RHOT1: variants seen among roughly 807,000 people sequenced by gnomAD.
RHOT1 encodes the protein ras homolog family member T1, also known as mitochondrial Rho GTPase 1.
RHOT1 carries 27 observed loss-of-function variants against 95.3 expected under a neutral mutation model. That is an observed-to-expected ratio of 0.28 (90% CI 0.21 to 0.39). The LOEUF is 0.39. Ranked by LOEUF, RHOT1 falls within the 10% of genes least tolerant of loss-of-function variation. RHOT1 has a pLI of 1.00. For missense variants in RHOT1, 578 were observed against 786.7 expected, an observed-to-expected ratio of 0.73 and a Z score of 3.17; for synonymous variants, 227 against 263.5, an observed-to-expected ratio of 0.86 and a Z score of 1.34.
chr17:32,207,003 T>C lies in RHOT1; in HGVS notation c.1510T>C (p.Phe504Leu). The change falls in exon 17 of 20, where the codon TTT becomes CTT. Residue 504 changes from phenylalanine (F) to leucine (L), a missense_variant. Phe to Leu is a conservative substitution (Grantham distance 22). Coordinates refer to ENST00000545287, the MANE Select transcript of RHOT1 (RefSeq NM_001033566.3). ...LVYDVSNPKSFEYCARIFKQH... is the reference protein window; with the variant it reads ...LVYDVSNPKSLEYCARIFKQH... The stretch of plus-strand genomic sequence containing the variant: ...ATATGATGTCAGCAATCCCAAATCC[T>C]TTGAATACTGTGCCAGGATTTTTAA... 1 of 1,612,236 alleles carries C rather than the reference T, an allele frequency of 6.2e-7. No homozygotes were observed. Among genetic ancestry groups the C allele is most frequent in the Non-Finnish European group, 8.5e-7 (1 of 1,179,274 alleles).
chr17:32,151,665 G>A (rs1484578224), intron 1 of RHOT1, among the ~76,000 whole-genome samples: 2 of 151,994 alleles, frequency 1.3e-5, no homozygotes, highest in African/African-American at 2.4e-5. Flanking sequence ...GGCAGATCAC[G>A]AGGTCAGGAG....
chr17:32,149,471 T>A (rs2142360335), intron 1 of RHOT1, among the ~76,000 whole-genome samples: 1 of 150,286 alleles, frequency 6.7e-6, no homozygotes, highest in Admixed American at 6.6e-5. Context: ...AAATAGTTTT[T>A]AGAATTTAAT....
chr17:32,192,034 G>T (rs2036526508), intron 8 of RHOT1, among the ~76,000 whole-genome samples, 167 bp from the exon 9 acceptor site: 1 of 152,126 alleles, frequency 6.6e-6, no homozygotes, highest in Non-Finnish European at 1.5e-5. Flanking sequence ...AGCAAATATT[G>T]CCTCATTTAC....
chr17:32,184,343 C>T (rs111878367), intron 8 of RHOT1, among the ~76,000 whole-genome samples: 210 of 152,186 alleles, frequency 1.4e-3, no homozygotes, highest in African/African-American at 4.9e-3. Flanking sequence ...CATATGTGAC[C>T]TTTTGTTTCT....
intron 16 of RHOT1, among the ~76,000 whole-genome samples, chr17:32,205,764 T>A (rs1027755086): frequency 6.6e-6 from 1 of 152,180 alleles, no homozygotes; most frequent in African/African-American, 2.4e-5. Context: ...CGGGCTGGTC[T>A]CAAACTCCTG....
intron 13 of RHOT1, among the ~76,000 whole-genome samples, chr17:32,200,165 ATAACT>A (rs2037205678): frequency 6.6e-6 from 1 of 152,060 alleles, no homozygotes; most frequent in Non-Finnish European, 1.5e-5. Context: ...TGGATGTCCT[ATAACT>A]TATTTAACTA....
chr17:32,175,289 T>G (rs1163758577), intron 3 of RHOT1, 30 bp from the exon 4 acceptor site: 1 of 1,602,144 alleles, frequency 6.2e-7, no homozygotes, highest in African/African-American at 1.3e-5. Context: ...GTGTCTGCAA[T>G]ATGAAACATT....
rs546133643 is a variant in RHOT1, at chr17:32,150,060, A to AT, written c.37+7337dup. 1.1e-4 allele frequency among the ~76,000 whole-genome samples: 17 copies of AT among 152,114 alleles called. 1 individual carries two copies. In the East Asian group the frequency reaches 2.5e-3, roughly 23 times the overall value. On this transcript the variant is annotated intron_variant, in intron 1 of 19. Transcript: ENST00000545287. ...GCCACTGCCCCTGGCCAAAATATTA[A>AT]TTTTTTAAAAATAGCTTAAAAGTGG...
chr17:32,179,705 C>T (rs149071639), intron 6 of RHOT1: 23,899 of 136,312 alleles, frequency 0.18, 2,209 homozygotes, highest in South Asian at 0.25. Flanking sequence ...CCCCTCTGCC[C>T]GGCTGCCCCG....
chr17:32,178,718 C>CGGCTGCCCCG (rs2035252896), intron 6 of RHOT1, among the ~76,000 whole-genome samples: 2 of 141,414 alleles, frequency 1.4e-5, no homozygotes, highest in Non-Finnish European at 3.1e-5. Flanking sequence ...CGCCTCTGCC[C>CGGCTGCCCCG]AGCCGCCCTG....
Position 32,207,018 on chromosome 17 carries a change from A to G in RHOT1, c.1525A>G (p.Arg509Gly). Residue 509 changes from arginine (R) to glycine (G), a missense_variant, in exon 17 of 20, where the codon AGG becomes GGG. By Grantham distance (125) the Arg-to-Gly change is moderately radical. Coordinates refer to ENST00000545287, the MANE Select transcript of RHOT1 (RefSeq NM_001033566.3). ...SNPKSFEYCA[R>G]IFKQHFMDSR... ...TCCCAAATCCTTTGAATACTGTGCCAGGATTTTTAAGGTTTGTTGCTCCTA... is the reference window on the plus strand; with the variant it reads ...TCCCAAATCCTTTGAATACTGTGCCGGGATTTTTAAGGTTTGTTGCTCCTA... 2.5e-6 allele frequency: 4 copies of G among 1,609,594 alleles called. No individual in the cohort carries two copies. Among genetic ancestry groups the G allele is most frequent in the Non-Finnish European group, 3.4e-6 (4 of 1,178,580 alleles).
intron 1 of RHOT1, chr17:32,143,262 A>AT (rs1031405043): frequency 2.5e-5 from 9 of 364,632 alleles, no homozygotes; most frequent in African/African-American, 8.5e-5. Context: ...AGGTTTCTGC[A>AT]TTTTTTTGGC....
chr17:32,219,728 C>A (rs1288573425), intron 19 of RHOT1, among the ~76,000 whole-genome samples: 1 of 152,184 alleles, frequency 6.6e-6, no homozygotes, highest in Non-Finnish European at 1.5e-5. Flanking sequence ...AATGGGCCTT[C>A]AGCACTTCTA....
intron 16 of RHOT1, among the ~76,000 whole-genome samples, chr17:32,205,179 C>G (rs2037622930): frequency 6.6e-6 from 1 of 151,978 alleles, no homozygotes; most frequent in Non-Finnish European, 1.5e-5. Flanking sequence ...CCCCTCACCC[C>G]CTGACAGGCC....
At chr17:32,165,599 A>C (rs1212563293) in intron 1 of RHOT1, among the ~76,000 whole-genome samples, 1 of 152,078 alleles carries the variant, frequency 6.6e-6, no homozygotes, top group African/African-American at 2.4e-5. Context: ...ACTTTAGTAT[A>C]ATATATTCAT....
chr17:32,212,070 G>C (rs904462770), intron 19 of RHOT1, among the ~76,000 whole-genome samples: 1 of 152,124 alleles, frequency 6.6e-6, no homozygotes, highest in East Asian at 1.9e-4. Flanking sequence ...GTATGCATTA[G>C]GTTTTTGAAA....
intron 6 of RHOT1, chr17:32,178,827 C>T (rs920254496): frequency 3.2e-5 from 5 of 155,106 alleles, no homozygotes; most frequent in African/African-American, 1.2e-4. Context: ...AGGAGCATCT[C>T]TGCCTGGCCA....
At chr17:32,223,565 C>T (rs1310725994) in intron 19 of RHOT1, among the ~76,000 whole-genome samples, 2 of 152,002 alleles carry the variant, frequency 1.3e-5, no homozygotes, top group African/African-American at 4.8e-5. Flanking sequence ...CAGGCACCCA[C>T]CACCATGCCC....
Position 32,173,796 on chromosome 17 carries a change from T to TG in RHOT1, c.97-34dup, listed in dbSNP as rs748485841. The TG allele has an allele frequency of 3.2e-6, 4 of 1,264,938 alleles. No individual in the cohort carries two copies. In the African/African-American group the frequency reaches 6.0e-5, roughly 19 times the overall value. The allele number at this position is 1,264,938 out of a possible 1,614,324, so 78.4% of individuals were successfully genotyped here. A position where few individuals can be genotyped will look rare whatever the true frequency, so the allele number is the denominator to read the frequency against. On this transcript the variant is annotated intron_variant, in intron 2 of 19. Transcript: ENST00000545287. ...AAGTTTGAGTGATAATATTCAAAGG[T>TG]GTTTTTTTTTTTCTATATTTGTTTG...
Sources: gnomAD v4.1 joint callset for allele counts (sites outside exome capture counted in the v4.1 genomes callset) on GRCh38, gnomAD v4.1.1 for gene constraint, MANE v1.5 for transcripts, NCBI Gene and HGNC (gene_info 2026-07-23, HGNC 2026-07-21) for gene names.